BLVRA: variants seen among roughly 807,000 people sequenced by gnomAD.
The protein encoded by BLVRA is biliverdin reductase A.
BLVRA carries 22 observed loss-of-function variants against 32.8 expected under a neutral mutation model. That is an observed-to-expected ratio of 0.67 (90% confidence interval 0.48 to 0.96). The LOEUF (loss-of-function observed/expected upper bound fraction) is 0.96, where lower values mean the gene tolerates loss of function less well. Among genes scored for constraint, BLVRA ranks in the 40% least tolerant of loss-of-function variants. The pLI, the probability that BLVRA is intolerant of heterozygous loss-of-function variation, is 0.00. For missense variants in BLVRA, 323 were observed against 358.1 expected (o/e 0.90, Z 0.79); for synonymous variants, 119 against 141.3 (o/e 0.84, Z 1.12).
chr7:43,789,799 C>T (rs140613585), intron 3 of BLVRA, among the ~76,000 whole-genome samples: 3 of 152,120 alleles, frequency 2.0e-5, no homozygotes, highest in African/African-American at 7.2e-5. Context: ...CTGGTGTATT[C>T]CTTTCCCACC....
At chr7:43,766,702 GA>G (rs1013243924) in intron 1 of BLVRA, among the ~76,000 whole-genome samples, 2 of 152,174 alleles carry the variant, frequency 1.3e-5, no homozygotes, top group African/African-American at 4.8e-5. Flanking sequence ...TCGTAAGGGG[GA>G]GTTGAAAGCA....
intron 1 of BLVRA, among the ~76,000 whole-genome samples, chr7:43,759,615 A>G (rs1405554658): frequency 1.3e-5 from 2 of 152,206 alleles, no homozygotes; most frequent in Non-Finnish European, 2.9e-5. Context: ...AATAGCTTAC[A>G]ATAGGGTTTT....
chr7:43,771,761 C>A (rs2095754922), intron 2 of BLVRA, among the ~76,000 whole-genome samples: 1 of 152,180 alleles, frequency 6.6e-6, no homozygotes. Context: ...GTGGCACAGC[C>A]TTGTGCTGTT....
chr7:43,795,968 G>A (rs1300893452), intron 5 of BLVRA, among the ~76,000 whole-genome samples: 1 of 151,716 alleles, frequency 6.6e-6, no homozygotes, highest in Non-Finnish European at 1.5e-5. Context: ...GCCAGGCATG[G>A]TGGCACATGC....
At chr7:43,759,258 A>G (rs1223421325) in intron 1 of BLVRA, among the ~76,000 whole-genome samples, 1 of 152,278 alleles carries the variant, frequency 6.6e-6, no homozygotes, top group Non-Finnish European at 1.5e-5. Context: ...GAAACTGGAA[A>G]CTATCACTTA....
chr7:43,768,692 G>A lies in BLVRA; in HGVS notation c.-21-2446G>A, dbSNP rs534763002. On this transcript the variant is annotated intron_variant, in intron 1 of 7. Transcript: ENST00000265523. Reference sequence around the variant, plus strand: ...GTTCTGTTATCTGACTATCACTCACGTGCAAGCTCCAAGGGAGACTTGAAT... The same window carrying A: ...GTTCTGTTATCTGACTATCACTCACATGCAAGCTCCAAGGGAGACTTGAAT... Among the ~76,000 whole-genome samples the A allele has an allele frequency of 9.9e-5, 15 of 152,196 alleles. No homozygotes were observed. In the East Asian group the frequency reaches 1.2e-3, roughly 12 times the overall value.
At chr7:43,758,272 AGTGG>A (rs1254749131), upstream of BLVRA, among the ~76,000 whole-genome samples, 11 of 124,190 alleles carry the variant, frequency 8.9e-5, no homozygotes, top group East Asian at 2.2e-3. Context: ...AATGGGATCC[AGTGG>A]GTTCTACGTG....
intron 7 of BLVRA, among the ~76,000 whole-genome samples, chr7:43,804,068 A>C (rs1317051128): frequency 6.6e-6 from 1 of 152,260 alleles, no homozygotes; most frequent in Non-Finnish European, 1.5e-5. Flanking sequence ...CCCATCTGCC[A>C]GTCAGTAGAC....
chr7:43,800,602 T>A, intron 6 of BLVRA, 30 bp downstream of exon 6: 1 of 1,583,746 alleles, frequency 6.3e-7, no homozygotes, highest in South Asian at 1.1e-5. Flanking sequence ...ACAGGTCACA[T>A]GTGAGGTCCA....
intron 6 of BLVRA, among the ~76,000 whole-genome samples, chr7:43,801,622 TGTTAA>T (rs17239678): frequency 0.15 from 18,870 of 125,860 alleles, 1,276 homozygotes; most frequent in Admixed American, 0.24. Flanking sequence ...CAAGAAACTG[TGTTAA>T]GTTAAGTAAG....
chr7:43,766,290 G>GAAAA (rs56186712), intron 1 of BLVRA, among the ~76,000 whole-genome samples: 2 of 93,898 alleles, frequency 2.1e-5, no homozygotes, highest in Admixed American at 2.3e-4. Context: ...CTGTCTCAGG[G>GAAAA]AAAAAAAAAA....
intron 1 of BLVRA, among the ~76,000 whole-genome samples, chr7:43,768,046 A>G (rs2095750138): frequency 6.6e-6 from 1 of 152,178 alleles, no homozygotes. Context: ...CCCCAATAAT[A>G]TCAGAGTGTA....
rs1382135481 is a variant in BLVRA at position 43,788,432 on chromosome 7, A to G, written c.134+407A>G. Among the ~76,000 whole-genome samples, 4 of 152,136 alleles carry G rather than the reference A, an allele frequency of 2.6e-5. No individual in the cohort carries two copies. In the South Asian group the frequency reaches 8.3e-4, roughly 31 times the overall value. On this transcript the variant is annotated intron_variant, in intron 3 of 7. Coordinates refer to ENST00000265523, the MANE Select transcript of BLVRA (RefSeq NM_000712.4). ...GTGATATTTCCTTCTGCGTAGTGTT[A>G]TTAACCCCCCAGTTTACAGATAAGG...
rs2095754262 is a variant in BLVRA, at chr7:43,771,178, C to T, written c.12+8C>T. 1.2e-6 allele frequency: 2 copies of T among 1,613,502 alleles called. No individual in the cohort carries two copies. Among genetic ancestry groups the T allele is most frequent in the Admixed American group, 1.7e-5 (1 of 60,006 alleles). On this transcript the variant is annotated splice_region_variant and intron_variant, in intron 2 of 7. Transcript: ENST00000265523. The stretch of plus-strand genomic sequence containing the variant: ...ACCAAGATGAATGCAGAGGTGAGTT[C>T]TTTACAAAGACCAGTTTAAGGGATG...
intron 1 of BLVRA, chr7:43,767,370 G>T: frequency 6.2e-7 from 1 of 1,600,174 alleles, no homozygotes; most frequent in Non-Finnish European, 8.5e-7. Flanking sequence ...CATCTACACT[G>T]AAGACGCTCC....
At chr7:43,767,296 C>A in intron 1 of BLVRA, 1 of 1,176,040 alleles carries the variant, frequency 8.5e-7, no homozygotes, top group Non-Finnish European at 1.3e-6. Flanking sequence ...CACTGTGGAG[C>A]ACCCAGATAA....
intron 4 of BLVRA, chr7:43,791,932 C>T (rs2095786629): frequency 6.2e-6 from 1 of 162,290 alleles, no homozygotes; most frequent in South Asian, 1.7e-4. Flanking sequence ...AAGATGCTTC[C>T]TCTTTATCAG....
intron 5 of BLVRA, among the ~76,000 whole-genome samples, chr7:43,798,267 C>T (rs754304189): frequency 7.3e-6 from 1 of 137,652 alleles, no homozygotes; most frequent in Non-Finnish European, 1.5e-5. Context: ...TGTCAGGTAA[C>T]ATCCAATATC....
At chr7:43,802,962 G>A (rs1289068830) in intron 6 of BLVRA, among the ~76,000 whole-genome samples, 1 of 151,974 alleles carries the variant, frequency 6.6e-6, no homozygotes, top group African/African-American at 2.4e-5. Context: ...GGCTAGTCTC[G>A]AACTCAAGTG....
Sources: gnomAD v4.1 joint callset for allele counts (sites outside exome capture counted in the v4.1 genomes callset) on GRCh38, gnomAD v4.1.1 for gene constraint, MANE v1.5 for transcripts, NCBI Gene and HGNC (gene_info 2026-07-23, HGNC 2026-07-21) for gene names.